IL18BP: variants seen among roughly 807,000 people sequenced by gnomAD.
IL18BP encodes interleukin-18-binding protein.
IL18BP carries 23 observed loss-of-function variants against 19.9 expected under a neutral mutation model. The ratio of observed to expected loss-of-function variants is 1.15; its 90% CI spans 0.83 to 1.64. The LOEUF is 1.64. Among genes scored for constraint, IL18BP ranks in the 40% most tolerant of loss-of-function variants. IL18BP has a pLI of 0.00. For synonymous variants in IL18BP, 107 were observed against 101.0 expected, an observed-to-expected ratio of 1.06 and a Z score of -0.35; for missense variants, 239 against 240.7, an observed-to-expected ratio of 0.99 and a Z score of 0.05.
At chr11:72,004,383 GTC>G (rs775897401), downstream of IL18BP, 1 of 1,554,034 alleles carries the variant, frequency 6.4e-7, no homozygotes, top group East Asian at 2.2e-5. Flanking sequence ...AGCAAGAGGA[GTC>G]ACATCTGAAG....
chr11:72,001,873 G>C lies in IL18BP; in HGVS notation c.*12G>C. 1 of 1,614,090 alleles carries C rather than the reference G, an allele frequency of 6.2e-7. No individual in the cohort carries two copies. Among genetic ancestry groups the C allele is most frequent in the Admixed American group, 1.7e-5 (1 of 60,000 alleles). On this transcript the variant is annotated 3_prime_UTR_variant, in exon 6 of 6. Coordinates refer to ENST00000393703, the MANE Select transcript of IL18BP (RefSeq NM_001039660.2). Reference sequence around the variant, plus strand: ...AGCAGCAGGGTTAAGACTCAGCACAGGGCCAGCAGCAGCACAACCTTGACC... The same window carrying C: ...AGCAGCAGGGTTAAGACTCAGCACACGGCCAGCAGCAGCACAACCTTGACC...
chr11:72,005,282 T>C, downstream of IL18BP: 3 of 1,609,968 alleles, frequency 1.9e-6, no homozygotes, highest in Non-Finnish European at 2.5e-6. Context: ...GCACACTCGA[T>C]TGCGCTGCTG....
chr11:72,000,591 GCA>G (rs751903268), intron 3 of IL18BP, 34 bp downstream of exon 3: 6 of 1,577,964 alleles, frequency 3.8e-6, no homozygotes, highest in Non-Finnish European at 5.2e-6. Flanking sequence ...TGGGCTATGG[GCA>G]CAGAGGTTCC....
At chr11:72,004,104 A>G (rs748332982), downstream of IL18BP, 7 of 1,613,036 alleles carry the variant, frequency 4.3e-6, 1 homozygote, top group South Asian at 7.7e-5. Flanking sequence ...GTCAGCCTGC[A>G]AGGAAGGGCT....
At chr11:72,007,136 C>T (rs1426029909), downstream of IL18BP, 2 of 1,593,102 alleles carry the variant, frequency 1.3e-6, no homozygotes, top group Non-Finnish European at 8.5e-7. Context: ...CAAAGATGCC[C>T]TTGAGAGGAA....
downstream of IL18BP, chr11:72,004,474 A>G: frequency 8.3e-7 from 1 of 1,211,104 alleles, no homozygotes; most frequent in Non-Finnish European, 1.2e-6. Context: ...ACTCTGGGCC[A>G]GATCCTTCCC....
chr11:72,004,693 G>A, downstream of IL18BP: 1 of 1,613,754 alleles, frequency 6.2e-7, no homozygotes, highest in Non-Finnish European at 8.5e-7. Context: ...TTGCGCTGCT[G>A]CCGGGTGGTG....
At chr11:72,004,723 T>A (rs763904139), downstream of IL18BP, 105 of 1,613,422 alleles carry the variant, frequency 6.5e-5, no homozygotes, top group Non-Finnish European at 7.7e-5. Flanking sequence ...CCCTCGGCTA[T>A]CTGGATTGGC....
downstream of IL18BP, chr11:72,004,266 T>C (rs780125972): frequency 6.2e-7 from 1 of 1,613,226 alleles, no homozygotes; most frequent in Non-Finnish European, 8.5e-7. Context: ...TGGGCCTCAG[T>C]AGTGCTCTGT....
downstream of IL18BP, among the ~76,000 whole-genome samples, chr11:72,006,445 G>C (rs772815298): frequency 1.2e-4 from 19 of 152,312 alleles, no homozygotes; most frequent in East Asian, 2.7e-3. Context: ...TCACAAGGTG[G>C]TGCTGATGTT....
chr11:72,005,337 C>G, downstream of IL18BP: 1 of 1,608,508 alleles, frequency 6.2e-7, no homozygotes, highest in Non-Finnish European at 8.5e-7. Context: ...TCAGGCTCAT[C>G]CTGGCAAGTG....
In IL18BP at chr11:72,001,543, C is replaced by T. The variant is rs1247121615; in HGVS notation, c.498C>T (p.Ala166=). 2 of 1,612,046 alleles carry T rather than the reference C, an allele frequency of 1.2e-6. No individual in the cohort carries two copies. The highest frequency in any genetic ancestry group is 2.7e-5 in the African/African-American group (2 of 74,900). Residue 166 remains alanine (A), a synonymous_variant, in exon 5 of 6, where the codon GCC becomes GCT. Coordinates refer to ENST00000393703, the MANE Select transcript of IL18BP (RefSeq NM_001039660.2). ...EQVVQRHVVL[A]QLWAGLRATL... is the part of the protein sequence containing the mutation. ...TTGTCCAGCGTCACGTCGTCCTGGCCCAGCTCTGGGTGAGGAGCCCAAGGA... is the reference window on the plus strand; with the variant it reads ...TTGTCCAGCGTCACGTCGTCCTGGCTCAGCTCTGGGTGAGGAGCCCAAGGA...
rs766633441 is a variant in IL18BP at position 72,001,477 on chromosome 11, C to T, written c.432C>T (p.His144=). The change falls in exon 5 of 6, where the codon CAC becomes CAT. Residue 144 remains histidine, a synonymous_variant. Coordinates refer to ENST00000393703, the MANE Select transcript of IL18BP (RefSeq NM_001039660.2). ...TGGAGCAGCTGACCCCTGCCCTGCA[C>T]AGCACCAACTTCTCCTGTGTGCTCG... ...LVLEQLTPAL[H]STNFSCVLVD... is the part of the protein sequence containing the mutation. The T allele has an allele frequency of 1.2e-6, 2 of 1,614,138 alleles. No homozygotes were observed. Among genetic ancestry groups the T allele is most frequent in the African/African-American group, 1.3e-5 (1 of 75,052 alleles).
At chr11:72,005,354 T>C (rs1197783311), downstream of IL18BP, 1 of 1,608,024 alleles carries the variant, frequency 6.2e-7, no homozygotes. Flanking sequence ...AGTGCCCATG[T>C]AGAAGCTGTT....
downstream of IL18BP, chr11:72,004,703 G>A (rs1274913426): frequency 6.2e-7 from 1 of 1,613,822 alleles, no homozygotes; most frequent in Non-Finnish European, 8.5e-7. Context: ...GCCGGGTGGT[G>A]ATGCCAGTGC....
intron 4 of IL18BP, 25 bp downstream of exon 4, chr11:72,001,349 G>C (rs769193457): frequency 2.8e-5 from 45 of 1,614,118 alleles, no homozygotes; most frequent in South Asian, 6.6e-5. Flanking sequence ...AGCCAGGTGG[G>C]TGGGAAGGAG....
chr11:72,001,642 G>A (rs1300084787), intron 5 of IL18BP, 90 bp downstream of exon 5: 3 of 1,595,542 alleles, frequency 1.9e-6, no homozygotes, highest in Middle Eastern at 1.6e-4. Context: ...AGAGCAGCCT[G>A]TGAACTAATG....
At position 72,000,534 on chromosome 11, in the gene IL18BP, G is replaced by C. The variant is rs748195107; in HGVS notation, c.212G>C (p.Trp71Ser). Residue 71 changes from tryptophan to serine, a missense_variant, in exon 3 of 6, where the codon TGG (tryptophan) becomes TCG (serine). Physicochemically the swap from Trp to Ser is radical, Grantham distance 177 (BLOSUM62 -3). Transcript: ENST00000393703. ...CAGTGTCCAGCATTGGAAGTGACCT[G>C]GCCAGAGGTGGAAGTGCCACTGAGT... ...AKQCPALEVT[W>S]PEVEVPLNGT... 11 of 1,612,160 alleles carry C rather than the reference G, an allele frequency of 6.8e-6. No homozygotes were observed. In the South Asian group the frequency reaches 1.2e-4, roughly 18 times the overall value.
downstream of IL18BP, chr11:72,004,484 CTTCCCAACAG>C (rs1955535986): frequency 3.3e-6 from 4 of 1,214,248 alleles, no homozygotes; most frequent in Non-Finnish European, 3.5e-6. Flanking sequence ...AGATCCTTCC[CTTCCCAACAG>C]TTCCCATCCA....
Sources: allele counts gnomAD v4.1 joint callset (sites outside exome capture counted in the v4.1 genomes callset), GRCh38; gene constraint gnomAD v4.1.1; transcripts MANE v1.5; gene names NCBI Gene and HGNC (gene_info 2026-07-23, HGNC 2026-07-21).